The following SYT1 variants were observed in gnomAD, a reference collection of about 807,000 sequenced individuals.
SYT1 encodes synaptotagmin-1.
In SYT1, 8 loss-of-function variants were observed where a neutral mutation model predicts 44.8. That is an observed-to-expected ratio of 0.18 (90% CI 0.10 to 0.32). SYT1 has a LOEUF of 0.32. SYT1 is among the 10% of genes least tolerant of loss of function. The pLI, the probability that SYT1 is intolerant of heterozygous loss-of-function variation, is 1.00. For missense variants in SYT1, 286 were observed against 509.3 expected, an observed-to-expected ratio of 0.56 and a Z score of 4.22; for synonymous variants, 154 against 188.8, an observed-to-expected ratio of 0.82 and a Z score of 1.51.
intron 4 of SYT1, among the ~76,000 whole-genome samples, chr12:79,273,121 C>CTTTTTT (rs34751116): frequency 5.0e-5 from 7 of 138,840 alleles, no homozygotes; most frequent in African/African-American, 1.9e-4. Flanking sequence ...TTTTTTCTTT[C>CTTTTTT]TTTTTTTTTT....
At chr12:79,249,036 T>C (rs913793704) in intron 4 of SYT1, among the ~76,000 whole-genome samples, 1 of 151,328 alleles carries the variant, frequency 6.6e-6, no homozygotes, top group African/African-American at 2.4e-5. Context: ...CGGCTTAGAG[T>C]TGTTGAAGGG....
chr12:79,432,004 A>G (rs1246485630), intron 9 of SYT1, among the ~76,000 whole-genome samples: 2 of 152,226 alleles, frequency 1.3e-5, no homozygotes, highest in Admixed American at 6.5e-5. Flanking sequence ...TTGCAGCTTT[A>G]TGAAAGAGAA....
chr12:79,179,216 A>C (rs1172034677), intron 3 of SYT1, among the ~76,000 whole-genome samples: 3 of 51,066 alleles, frequency 5.9e-5, no homozygotes, highest in African/African-American at 4.9e-4. Flanking sequence ...ATAGATATAG[A>C]TATATAGATA....
At chr12:79,303,054 C>A (rs1253026184) in intron 8 of SYT1, among the ~76,000 whole-genome samples, 2 of 152,132 alleles carry the variant, frequency 1.3e-5, no homozygotes, top group Non-Finnish European at 2.9e-5. Context: ...ATTTTCTTCT[C>A]TTTAATCTTT....
intron 3 of SYT1, among the ~76,000 whole-genome samples, chr12:79,080,381 G>A (rs1351657456): frequency 6.6e-6 from 1 of 151,916 alleles, no homozygotes; most frequent in Admixed American, 6.6e-5. Flanking sequence ...TAAATGATTT[G>A]GCACCAGGCA....
chr12:78,974,792 T>C (rs1868694781), intron 1 of SYT1, among the ~76,000 whole-genome samples: 1 of 152,070 alleles, frequency 6.6e-6, no homozygotes, highest in South Asian at 2.1e-4. Flanking sequence ...GGTACAAGAA[T>C]TTTTTTAATC....
At chr12:79,256,798 G>A (rs1220769594) in intron 4 of SYT1, among the ~76,000 whole-genome samples, 1 of 152,138 alleles carries the variant, frequency 6.6e-6, no homozygotes, top group Non-Finnish European at 1.5e-5. Flanking sequence ...TTTCTCATTT[G>A]TTTGCCTTAC....
chr12:79,191,408 A>G (rs547779080), intron 3 of SYT1, among the ~76,000 whole-genome samples: 1 of 152,212 alleles, frequency 6.6e-6, no homozygotes, highest in South Asian at 2.1e-4. Flanking sequence ...TTCACATGAA[A>G]TTTTTTTAGT....
chr12:79,263,462 TA>T (rs1877949206), intron 4 of SYT1, among the ~76,000 whole-genome samples: 1 of 152,196 alleles, frequency 6.6e-6, no homozygotes, highest in South Asian at 2.1e-4. Flanking sequence ...ACTTCAATTA[TA>T]AAATCTTACA....
intron 1 of SYT1, among the ~76,000 whole-genome samples, chr12:78,902,914 T>G (rs1875742926): frequency 6.6e-6 from 1 of 152,160 alleles, no homozygotes; most frequent in Non-Finnish European, 1.5e-5. Context: ...TTTCTGAAAG[T>G]CATTTGTGAG....
At chr12:79,423,472 T>G (rs951716106) in intron 9 of SYT1, among the ~76,000 whole-genome samples, 4 of 152,082 alleles carry the variant, frequency 2.6e-5, no homozygotes, top group African/African-American at 7.2e-5. Context: ...GAAGTAGCTC[T>G]GCCCTCAGAA....
chr12:79,179,648 G>A (rs144859636), intron 3 of SYT1, among the ~76,000 whole-genome samples: 100 of 151,344 alleles, frequency 6.6e-4, no homozygotes, highest in African/African-American at 2.3e-3. Context: ...TCAAACTCCC[G>A]ACCTCAGGTG....
chr12:79,051,729 A>G (rs1874506708), intron 3 of SYT1, among the ~76,000 whole-genome samples: 1 of 152,006 alleles, frequency 6.6e-6, no homozygotes, highest in Non-Finnish European at 1.5e-5. Flanking sequence ...CTGAGATTGG[A>G]TTAAGTATAT....
chr12:79,086,290 G>A (rs997237613), intron 3 of SYT1, among the ~76,000 whole-genome samples: 4 of 151,972 alleles, frequency 2.6e-5, no homozygotes, highest in Non-Finnish European at 2.9e-5. Flanking sequence ...GTGAGCCTGT[G>A]ACTAATTTTT....
rs368291460 is a variant in SYT1, at chr12:79,015,376, A to G, written c.-83-31921A>G. On this transcript the variant is annotated intron_variant, in intron 2 of 10. Coordinates refer to ENST00000261205, the MANE Select transcript of SYT1 (RefSeq NM_005639.3). ...TAATATTGTCCTTTTGTTTTAAGTA[A>G]TAATAAGTAACCAACTTTTTTATTT... Among the ~76,000 whole-genome samples, 61 of 152,256 alleles carry G rather than the reference A, an allele frequency of 4.0e-4. 1 individual carries two copies. The South Asian group carries it at 0.012, about 30-fold the overall frequency.
At chr12:79,377,261 G>A (rs1373776412) in intron 9 of SYT1, among the ~76,000 whole-genome samples, 10 of 152,134 alleles carry the variant, frequency 6.6e-5, no homozygotes, top group South Asian at 4.2e-4. Flanking sequence ...GCAGGCTACC[G>A]CCACCATGCC....
intron 9 of SYT1, among the ~76,000 whole-genome samples, chr12:79,386,415 A>G (rs188903787): frequency 6.6e-6 from 1 of 151,442 alleles, no homozygotes; most frequent in African/African-American, 2.4e-5. Context: ...GGTTTGTTAC[A>G]TAGGTATACA....
intron 8 of SYT1, among the ~76,000 whole-genome samples, chr12:79,301,848 T>C (rs1880167117): frequency 6.6e-6 from 1 of 152,200 alleles, no homozygotes; most frequent in Admixed American, 6.5e-5. Context: ...TAGAAATTTT[T>C]GGTTTTCAGT....
chr12:79,438,159 T>C (rs1222496741), intron 9 of SYT1, among the ~76,000 whole-genome samples: 1 of 152,124 alleles, frequency 6.6e-6, no homozygotes, highest in Non-Finnish European at 1.5e-5. Context: ...TTGTATAGCA[T>C]GGTAGGTGAT....
Sources: gnomAD v4.1 joint callset for allele counts (sites outside exome capture counted in the v4.1 genomes callset) on GRCh38, gnomAD v4.1.1 for gene constraint, MANE v1.5 for transcripts, NCBI Gene and HGNC (gene_info 2026-07-23, HGNC 2026-07-21) for gene names.